The following RPS6KC1 variants were observed in gnomAD, a reference collection of about 807,000 sequenced individuals.
RPS6KC1 encodes the protein inactive ribosomal protein S6 kinase delta-1.
In RPS6KC1, 54 loss-of-function variants were observed where a neutral mutation model predicts 103.8. The ratio of observed to expected loss-of-function variants is 0.52; its 90% confidence interval spans 0.42 to 0.65. The LOEUF is 0.65. RPS6KC1 is among the 30% of genes least tolerant of loss of function. The probability of loss-of-function intolerance (pLI) is 0.00; values close to 1 mark genes in which losing one functional copy is unlikely to be tolerated. For synonymous variants in RPS6KC1, 439 were observed against 438.7 expected (o/e 1.00, Z -0.01); for missense variants, 1,151 against 1,253.8 (o/e 0.92, Z 1.24).
chr1:213,125,931 G>C (rs981133226), intron 5 of RPS6KC1: 7 of 151,994 alleles, frequency 4.6e-5, no homozygotes, highest in African/African-American at 1.7e-4. Context: ...TTGCCCTTTG[G>C]TGTTATTGTT....
intron 8 of RPS6KC1, among the ~76,000 whole-genome samples, chr1:213,186,503 A>G (rs1014774545): frequency 3.3e-5 from 5 of 152,000 alleles, no homozygotes; most frequent in Non-Finnish European, 7.4e-5. Context: ...TGTTGTTTTT[A>G]GGATCCTCTC....
chr1:213,462,018 C>T, the RPS6KC1 span, among the ~76,000 whole-genome samples: 3 of 152,070 alleles, frequency 2.0e-5, no homozygotes, highest in Non-Finnish European at 2.9e-5. Context: ...TGCAATCTAT[C>T]CATCTGACAA....
intron 1 of RPS6KC1, among the ~76,000 whole-genome samples, chr1:213,066,297 A>G (rs1418662143): frequency 6.6e-6 from 1 of 152,258 alleles, no homozygotes; most frequent in Non-Finnish European, 1.5e-5. Context: ...AGGAAAGAGA[A>G]TCAGGGAAGT....
Position 213,273,477 on chromosome 1 carries a change from C to T in RPS6KC1, c.*843C>T, listed in dbSNP as rs1184217704. ...ATGGTGAAACATTAGATCTCTTCTT[C>T]ATTTAATAACCCTCCCCCCTTTTTT... On this transcript the variant is annotated 3_prime_UTR_variant, in exon 15 of 15. Transcript: ENST00000366960. 3.3e-5 allele frequency: 5 copies of T among 152,634 alleles called. No homozygotes were observed. The highest frequency in any genetic ancestry group is 4.8e-5 in the African/African-American group (2 of 41,448). 9.5% of individuals were successfully genotyped at this position (152,634 alleles called of 1,614,324 possible).
At chr1:213,723,060 G>T in the RPS6KC1 span, among the ~76,000 whole-genome samples, 1 of 152,092 alleles carries the variant, frequency 6.6e-6, no homozygotes, top group African/African-American at 2.4e-5. Flanking sequence ...GGTGCCTGTA[G>T]TCCCAGCTAC....
chr1:213,838,772 A>G, the RPS6KC1 span, among the ~76,000 whole-genome samples: 1 of 152,196 alleles, frequency 6.6e-6, no homozygotes, highest in Admixed American at 6.5e-5. Flanking sequence ...CTCTCCCTCT[A>G]CTGGCACCAG....
At chr1:213,100,957 A>G (rs2081972843) in intron 3 of RPS6KC1, among the ~76,000 whole-genome samples, 1 of 152,198 alleles carries the variant, frequency 6.6e-6, no homozygotes, top group Non-Finnish European at 1.5e-5. Context: ...ACCCAGTAAT[A>G]GGATGGCTGG....
chr1:213,657,894 A>T, the RPS6KC1 span, among the ~76,000 whole-genome samples: 1 of 152,210 alleles, frequency 6.6e-6, no homozygotes, highest in African/African-American at 2.4e-5. Context: ...GATGAATAAC[A>T]TATTTTCTAT....
At chr1:213,667,503 A>T in the RPS6KC1 span, among the ~76,000 whole-genome samples, 1 of 152,214 alleles carries the variant, frequency 6.6e-6, no homozygotes, top group Non-Finnish European at 1.5e-5. Context: ...GTTAACAATC[A>T]TCTGAACCTT....
At chr1:213,466,095 C>T in the RPS6KC1 span, among the ~76,000 whole-genome samples, 395 of 152,230 alleles carry the variant, frequency 2.6e-3, 2 homozygotes, top group African/African-American at 9.1e-3. Flanking sequence ...CCCCACCTGT[C>T]CCCCACAACC....
intron 8 of RPS6KC1, among the ~76,000 whole-genome samples, chr1:213,214,969 G>A (rs6670496): frequency 0.45 from 69,025 of 152,014 alleles, 19,251 homozygotes; most frequent in Non-Finnish European, 0.62. Flanking sequence ...AAATCAGAGC[G>A]CCTGTCCTCC....
At chr1:213,098,474 C>T (rs1392568608) in intron 3 of RPS6KC1, among the ~76,000 whole-genome samples, 3 of 151,916 alleles carry the variant, frequency 2.0e-5, no homozygotes. Context: ...AGTGAGACAC[C>T]TGTAACTCTT....
chr1:213,598,616 G>A, the RPS6KC1 span, among the ~76,000 whole-genome samples: 1 of 152,122 alleles, frequency 6.6e-6, no homozygotes, highest in Non-Finnish European at 1.5e-5. Context: ...GTATTTTAAT[G>A]TATAAAATAC....
intron 10 of RPS6KC1, among the ~76,000 whole-genome samples, chr1:213,233,338 A>T (rs2094147281): frequency 6.6e-6 from 1 of 152,226 alleles, no homozygotes. Context: ...CATTATAGAC[A>T]GCTTTTATCT....
the RPS6KC1 span, chr1:213,817,882 T>G: frequency 2.0e-5 from 3 of 152,172 alleles, no homozygotes; most frequent in Non-Finnish European, 4.4e-5. Flanking sequence ...ATGTGCTCGC[T>G]TCTTGTCTCT....
chr1:213,325,562 T>C, the RPS6KC1 span, among the ~76,000 whole-genome samples: 1 of 152,214 alleles, frequency 6.6e-6, no homozygotes, highest in Non-Finnish European at 1.5e-5. Context: ...TCTAGTGCCC[T>C]TGCCCCCGGA....
At chr1:213,175,559 C>T (rs774870095) in intron 7 of RPS6KC1, among the ~76,000 whole-genome samples, 1 of 152,090 alleles carries the variant, frequency 6.6e-6, no homozygotes, top group Non-Finnish European at 1.5e-5. Context: ...TATGGAGGTG[C>T]CCTTAGAATT....
chr1:213,348,090 A>G, the RPS6KC1 span, among the ~76,000 whole-genome samples: 111,462 of 152,026 alleles, frequency 0.73, 41,008 homozygotes, highest in Middle Eastern at 0.78. Context: ...TACCGAGTCT[A>G]AGGGTGGATT....
the RPS6KC1 span, among the ~76,000 whole-genome samples, chr1:213,443,701 A>G: frequency 1.3e-5 from 2 of 152,064 alleles, no homozygotes; most frequent in Admixed American, 1.3e-4. Context: ...AGATTGCTTG[A>G]GCCTAGGAGT....
Sources: gnomAD v4.1 joint callset for allele counts (sites outside exome capture counted in the v4.1 genomes callset) on GRCh38, gnomAD v4.1.1 for gene constraint, MANE v1.5 for transcripts, NCBI Gene and HGNC (gene_info 2026-07-23, HGNC 2026-07-21) for gene names.